The following GALNT17 variants were observed in gnomAD, a reference collection of about 807,000 sequenced individuals.
GALNT17 encodes polypeptide N-acetylgalactosaminyltransferase 17, also known as UDP-GalNAc:polypeptide N-acetylgalactosaminyltransferase-like 3.
Under a neutral mutation model 63.7 loss-of-function variants are expected in GALNT17, and 29 were observed. That is an observed-to-expected ratio of 0.46 (90% CI 0.34 to 0.62). The LOEUF (loss-of-function observed/expected upper bound fraction) is 0.62, where lower values mean the gene tolerates loss of function less well. Ranked by LOEUF, GALNT17 falls within the 20% of genes least tolerant of loss-of-function variation. The pLI is 0.01. For missense variants in GALNT17, 603 were observed against 799.6 expected (o/e 0.75, Z 2.97); for synonymous variants, 305 against 318.3 (o/e 0.96, Z 0.45).
chr7:71,605,673 T>A (rs1427550742), intron 6 of GALNT17, among the ~76,000 whole-genome samples: 1 of 152,010 alleles, frequency 6.6e-6, no homozygotes, highest in Non-Finnish European at 1.5e-5. Context: ...TAAGGTGTCA[T>A]TAGCAAAATA....
At chr7:71,667,039 G>A (rs143032990) in intron 7 of GALNT17, among the ~76,000 whole-genome samples, 170 of 152,284 alleles carry the variant, frequency 1.1e-3, no homozygotes, top group Non-Finnish European at 1.7e-3. Context: ...TGCATTGTTC[G>A]TCCTATGCTG....
intron 6 of GALNT17, among the ~76,000 whole-genome samples, chr7:71,583,613 T>C (rs115544870): frequency 1.3e-3 from 194 of 152,294 alleles, no homozygotes; most frequent in African/African-American, 4.3e-3. Flanking sequence ...TCCCTGGCAT[T>C]AGATAGCAGG....
intron 5 of GALNT17, among the ~76,000 whole-genome samples, chr7:71,533,647 A>G (rs1281683989): frequency 6.6e-6 from 1 of 152,180 alleles, no homozygotes; most frequent in Non-Finnish European, 1.5e-5. Context: ...AAGGTGCTAT[A>G]GGTTCGCTTT....
intron 1 of GALNT17, among the ~76,000 whole-genome samples, chr7:71,151,431 C>T (rs955002620): frequency 6.6e-6 from 1 of 151,984 alleles, no homozygotes; most frequent in Non-Finnish European, 1.5e-5. Flanking sequence ...ACCATCCTGG[C>T]TAACATGGTG....
chr7:71,706,968 G>T (rs1179537360), intron 9 of GALNT17, among the ~76,000 whole-genome samples: 2 of 152,296 alleles, frequency 1.3e-5, no homozygotes, highest in Non-Finnish European at 2.9e-5. Flanking sequence ...CAGCTGCTGG[G>T]CCATGGCAGC....
At chr7:71,421,734 G>A (rs1786668180) in intron 5 of GALNT17, among the ~76,000 whole-genome samples, 1 of 152,136 alleles carries the variant, frequency 6.6e-6, no homozygotes, top group Non-Finnish European at 1.5e-5. Flanking sequence ...TGGATCACTT[G>A]AAGTCAGGAG....
chr7:71,686,256 G>A (rs891241261), intron 9 of GALNT17, among the ~76,000 whole-genome samples: 5 of 151,528 alleles, frequency 3.3e-5, no homozygotes, highest in African/African-American at 1.2e-4. Context: ...CGCCCAGCCT[G>A]TTTACTCTTT....
At chr7:71,472,703 A>C (rs1399880436) in intron 5 of GALNT17, among the ~76,000 whole-genome samples, 3 of 152,130 alleles carry the variant, frequency 2.0e-5, no homozygotes, top group African/African-American at 7.2e-5. Flanking sequence ...AACTAAACTA[A>C]ACTAAACTAA....
intron 9 of GALNT17, among the ~76,000 whole-genome samples, chr7:71,684,118 C>A (rs1791313731): frequency 6.6e-6 from 1 of 152,112 alleles, no homozygotes; most frequent in Admixed American, 6.6e-5. Flanking sequence ...CCCACAGACC[C>A]CCAGTTCTAC....
intron 9 of GALNT17, among the ~76,000 whole-genome samples, chr7:71,699,772 A>T (rs1562741440): frequency 6.6e-6 from 1 of 150,856 alleles, no homozygotes; most frequent in African/African-American, 2.4e-5. Context: ...TGTCTCTATG[A>T]TTTTTTTTTA....
At chr7:71,483,238 A>G (rs1298094516) in intron 5 of GALNT17, among the ~76,000 whole-genome samples, 2 of 152,224 alleles carry the variant, frequency 1.3e-5, no homozygotes, top group African/African-American at 4.8e-5. Context: ...TGGGAGGCCA[A>G]GGCAGGCGGA....
rs760770848 is a variant in GALNT17, at chr7:71,201,241, T to TTATA, written c.238+68214_238+68217dup. 2.0e-4 allele frequency among the ~76,000 whole-genome samples: 27 copies of TTATA among 138,438 alleles called. 1 individual carries two copies. Among genetic ancestry groups the TTATA allele is most frequent in the African/African-American group, 4.5e-4 (16 of 35,436 alleles). The allele number at this position is 138,438 out of a possible 152,430, so 90.8% of individuals were successfully genotyped here. Reference sequence around the variant, plus strand: ...TGTATGGGGGTGTGTGTGTTTATTTTTATATATATATATATAATTTGTGTG... The same window carrying TTATA: ...TGTATGGGGGTGTGTGTGTTTATTTTTATATATATATATATATATAATTTGTGTG... On this transcript the variant is annotated intron_variant, in intron 1 of 10. Transcript: ENST00000333538.
At chr7:71,429,231 A>G (rs1049204662) in intron 5 of GALNT17, among the ~76,000 whole-genome samples, 2 of 152,144 alleles carry the variant, frequency 1.3e-5, no homozygotes, top group African/African-American at 4.8e-5. Flanking sequence ...GGCAGAAAGG[A>G]AGGGGTGGGG....
chr7:71,231,727 GGAGA>G lies in GALNT17; in HGVS notation c.238+98695_238+98698del, dbSNP rs1347681437. Among the ~76,000 whole-genome samples the G allele has an allele frequency of 4.7e-5, 7 of 149,014 alleles. No homozygotes were observed. In the South Asian group the frequency reaches 8.6e-4, roughly 18 times the overall value. ...AAAAGAGAAGAGGGGAGTGGGGGAG[GGAGA>G]GAGAGAGGGAGGGAGAGGGAGAGAG... On this transcript the variant is annotated intron_variant, in intron 1 of 10. Transcript: ENST00000333538.
Position 71,132,700 on chromosome 7 carries a change from C to T in GALNT17, c.-103C>T. The T allele has an allele frequency of 3.1e-6, 3 of 980,324 alleles. No individual in the cohort carries two copies. The highest frequency in any genetic ancestry group is 2.8e-5 in the East Asian group (1 of 36,148). 60.7% of individuals were successfully genotyped at this position (980,324 alleles called of 1,614,324 possible). On this transcript the variant is annotated 5_prime_UTR_variant, in exon 1 of 11. Transcript: ENST00000333538. ...GGACGAGCAGGGGCTTGGATCCCTG[C>T]CGGCCGTCTGGTGTGTGAGGCTTGC...
At chr7:71,445,170 T>C (rs1219536696) in intron 5 of GALNT17, among the ~76,000 whole-genome samples, 5 of 148,538 alleles carry the variant, frequency 3.4e-5, no homozygotes, top group Non-Finnish European at 5.9e-5. Context: ...CCTTTTTTTT[T>C]CTTTCTTTCT....
At chr7:71,246,786 G>GC (rs1790106428) in intron 1 of GALNT17, among the ~76,000 whole-genome samples, 1 of 151,500 alleles carries the variant, frequency 6.6e-6, no homozygotes, top group African/African-American at 2.4e-5. Context: ...CTGAGAACGC[G>GC]CCACTGCATT....
intron 1 of GALNT17, among the ~76,000 whole-genome samples, chr7:71,249,736 C>A (rs902591203): frequency 6.6e-6 from 1 of 152,072 alleles, no homozygotes; most frequent in Non-Finnish European, 1.5e-5. Context: ...GGAAAAGATA[C>A]CCCCCAAAAG....
At chr7:71,672,660 T>A (rs1366012738) in intron 8 of GALNT17, among the ~76,000 whole-genome samples, 1 of 152,206 alleles carries the variant, frequency 6.6e-6, no homozygotes, top group East Asian at 1.9e-4. Context: ...TTAGCAATTC[T>A]CCTGTCTCAG....
Sources: allele counts gnomAD v4.1 joint callset (sites outside exome capture counted in the v4.1 genomes callset), GRCh38; gene constraint gnomAD v4.1.1; transcripts MANE v1.5; gene names NCBI Gene and HGNC (gene_info 2026-07-23, HGNC 2026-07-21).